MAGI1: variants seen among roughly 807,000 people sequenced by gnomAD.
MAGI1 encodes membrane-associated guanylate kinase, WW and PDZ domain-containing protein 1.
A neutral mutation model predicts 139.9 loss-of-function variants in MAGI1; 58 were observed. The observed-to-expected ratio is 0.41, with a 90% CI of 0.34 to 0.52. MAGI1 has a LOEUF of 0.52. Ranked by LOEUF, MAGI1 falls within the 20% of genes least tolerant of loss-of-function variation. The pLI, the probability that MAGI1 is intolerant of heterozygous loss-of-function variation, is 0.12. For missense variants in MAGI1, 1,874 were observed against 1,901.6 expected (o/e 0.99, Z 0.27); for synonymous variants, 812 against 737.9 (o/e 1.10, Z -1.63).
intron 2 of MAGI1, 52 bp downstream of exon 2, chr3:65,621,920 C>CACACACAA: frequency 7.6e-7 from 1 of 1,308,318 alleles, no homozygotes; most frequent in Non-Finnish European, 1.1e-6. Flanking sequence ...GGACTTTTCA[C>CACACACAA]ACACACACAC....
At chr3:65,917,867 T>C (rs1011178535) in intron 1 of MAGI1, among the ~76,000 whole-genome samples, 2 of 152,332 alleles carry the variant, frequency 1.3e-5, no homozygotes, top group African/African-American at 4.8e-5. Context: ...ATTACATATT[T>C]GTTCAACCCT....
intron 1 of MAGI1, among the ~76,000 whole-genome samples, chr3:66,016,104 C>A (rs2067622617): frequency 1.3e-5 from 2 of 152,108 alleles, no homozygotes; most frequent in Admixed American, 1.3e-4. Context: ...TGTTTTGAGT[C>A]AATTACGAAG....
intron 1 of MAGI1, among the ~76,000 whole-genome samples, chr3:65,839,421 G>C (rs913118028): frequency 2.0e-5 from 3 of 148,278 alleles, no homozygotes; most frequent in Admixed American, 1.3e-4. Flanking sequence ...TTTTTTAATT[G>C]ACTGTAAAAC....
At chr3:65,948,104 G>C (rs1009710615) in intron 1 of MAGI1, among the ~76,000 whole-genome samples, 1 of 151,658 alleles carries the variant, frequency 6.6e-6, no homozygotes, top group Admixed American at 6.6e-5. Flanking sequence ...ACCACACCAG[G>C]CTAATTTTTT....
intron 1 of MAGI1, among the ~76,000 whole-genome samples, chr3:66,034,694 G>T (rs972062860): frequency 2.0e-5 from 3 of 152,044 alleles, no homozygotes; most frequent in Admixed American, 2.0e-4. Flanking sequence ...CCATAAACAA[G>T]CAAAAGGACA....
At chr3:66,011,273 T>C (rs1292463577) in intron 1 of MAGI1, among the ~76,000 whole-genome samples, 1 of 152,176 alleles carries the variant, frequency 6.6e-6, no homozygotes, top group Non-Finnish European at 1.5e-5. Flanking sequence ...CAAGTATTCT[T>C]TTCTCGACAA....
chr3:65,811,413 G>A (rs1343848999), intron 1 of MAGI1, among the ~76,000 whole-genome samples: 1 of 152,158 alleles, frequency 6.6e-6, no homozygotes, highest in Non-Finnish European at 1.5e-5. Context: ...TTCTTGGGAA[G>A]CTTCCTGCCA....
chr3:65,771,440 A>ATC (rs1267301579), intron 1 of MAGI1, among the ~76,000 whole-genome samples: 7 of 152,322 alleles, frequency 4.6e-5, no homozygotes, highest in Admixed American at 3.9e-4. Context: ...GCAAGTGAGT[A>ATC]TCTCTTTACA....
intron 1 of MAGI1, among the ~76,000 whole-genome samples, chr3:65,802,655 T>A (rs1176878225): frequency 6.6e-6 from 1 of 152,176 alleles, no homozygotes; most frequent in Non-Finnish European, 1.5e-5. Context: ...CTTTTGTTCA[T>A]TCCTGTAACA....
chr3:66,010,439 C>T (rs28400350), intron 1 of MAGI1, among the ~76,000 whole-genome samples: 15 of 152,166 alleles, frequency 9.9e-5, no homozygotes, highest in African/African-American at 3.6e-4. Flanking sequence ...ATGATATTCA[C>T]TGATGCCCAA....
rs79516669 is a variant in MAGI1 at position 65,415,376 on chromosome 3, C to T, written c.2168-13906G>A. 3.3e-5 allele frequency among the ~76,000 whole-genome samples: 5 copies of T among 152,328 alleles called. No homozygotes were observed. The East Asian group carries it at 7.7e-4, about 23-fold the overall frequency. On this transcript the variant is annotated intron_variant, in intron 12 of 22. Transcript: ENST00000402939. ...GAAACTCTTCATCAGAACAGGGCAG[C>T]GCTGAAGGTGTAACAGGCCCTCTTC... is the stretch of plus-strand genomic sequence containing the variant.
intron 21 of MAGI1, 139 bp from the exon 22 acceptor site, chr3:65,361,476 A>G: frequency 2.7e-6 from 2 of 736,560 alleles, no homozygotes; most frequent in Non-Finnish European, 4.4e-6. Context: ...GCCCTCATGG[A>G]GATTATATTC....
rs966448886 is a variant in MAGI1 at position 65,910,805 on chromosome 3, C to T, written c.313+127191G>A. ...GTTAAATCTCTGCTCATCACCTATC[C>T]AACACAGTAGATGGGTGTCTACCTT... is the stretch of plus-strand genomic sequence containing the variant. On this transcript the variant is annotated intron_variant, in intron 1 of 22. Transcript: ENST00000402939. 9.0e-5 allele frequency among the ~76,000 whole-genome samples: 13 copies of T among 144,698 alleles called. No individual in the cohort carries two copies. The South Asian group carries it at 1.6e-3, about 18-fold the overall frequency. 94.9% of individuals were successfully genotyped at this position (144,698 alleles called of 152,430 possible).
intron 2 of MAGI1, among the ~76,000 whole-genome samples, chr3:65,557,205 T>C (rs1371638294): frequency 2.6e-5 from 4 of 152,240 alleles, no homozygotes; most frequent in African/African-American, 9.6e-5. Flanking sequence ...AGTGACAGTA[T>C]GCCACCCCTA....
chr3:65,756,097 T>C (rs779229243), intron 1 of MAGI1, among the ~76,000 whole-genome samples: 12 of 152,216 alleles, frequency 7.9e-5, no homozygotes, highest in South Asian at 2.1e-4. Context: ...AAAATTATCG[T>C]GTCGGGGCTT....
intron 1 of MAGI1, among the ~76,000 whole-genome samples, chr3:65,675,121 C>G (rs1415478757): frequency 6.6e-6 from 1 of 152,122 alleles, no homozygotes; most frequent in Non-Finnish European, 1.5e-5. Context: ...AAACTTCAAC[C>G]ACACTGTCAG....
chr3:65,945,450 C>G (rs1194281527), intron 1 of MAGI1, among the ~76,000 whole-genome samples: 2 of 152,180 alleles, frequency 1.3e-5, no homozygotes, highest in Non-Finnish European at 2.9e-5. Context: ...TGAAAGCAAA[C>G]TAAGTATAGC....
rs1450708221 is a variant in MAGI1, at chr3:65,665,286, A to T, written c.314-43198T>A. On this transcript the variant is annotated intron_variant, in intron 1 of 22. Transcript: ENST00000402939. ...GAATCCACAATAATATATGTCCAGA[A>T]AAAGAAAACGGAAATTGGCTGATCT... Among the ~76,000 whole-genome samples the T allele has an allele frequency of 5.3e-5, 8 of 152,184 alleles. No individual in the cohort carries two copies. The South Asian group carries it at 1.5e-3, about 28-fold the overall frequency.
At chr3:65,534,313 C>A (rs1189814049) in intron 2 of MAGI1, among the ~76,000 whole-genome samples, 2 of 151,974 alleles carry the variant, frequency 1.3e-5, no homozygotes, top group Non-Finnish European at 2.9e-5. Flanking sequence ...AAAACCTCAT[C>A]TCTACAAAAA....
Sources: allele counts gnomAD v4.1 joint callset (sites outside exome capture counted in the v4.1 genomes callset), GRCh38; gene constraint gnomAD v4.1.1; transcripts MANE v1.5; gene names NCBI Gene and HGNC (gene_info 2026-07-23, HGNC 2026-07-21).